The following DIAPH3 variants were observed in gnomAD, a reference collection of about 807,000 sequenced individuals.
DIAPH3 encodes the protein protein diaphanous homolog 3.
DIAPH3 carries 117 observed loss-of-function variants against 144.3 expected under a neutral mutation model. That is an observed-to-expected ratio of 0.81 (90% CI 0.70 to 0.95). The LOEUF (loss-of-function observed/expected upper bound fraction) is 0.95. Among genes scored for constraint, DIAPH3 ranks in the 40% least tolerant of loss-of-function variants. The probability of loss-of-function intolerance (pLI) is 0.00; values close to 1 mark genes in which losing one functional copy is unlikely to be tolerated. For synonymous variants in DIAPH3, 519 were observed against 488.9 expected (o/e 1.06, Z -0.81); for missense variants, 1,421 against 1,412.7 (o/e 1.01, Z -0.09).
chr13:60,093,936 G>T (rs1030260429), intron 3 of DIAPH3, among the ~76,000 whole-genome samples: 2 of 152,072 alleles, frequency 1.3e-5, no homozygotes, highest in African/African-American at 4.8e-5. Flanking sequence ...ATTTTAACAG[G>T]TAAAACACTT....
rs1403285361 is a variant in DIAPH3 at position 60,112,139 on chromosome 13, T to TC, written c.260dup (p.Pro88ThrfsTer14). 2 of 1,614,046 alleles carry TC rather than the reference T, an allele frequency of 1.2e-6. No homozygotes were observed. Among genetic ancestry groups the TC allele is most frequent in the Non-Finnish European group, 1.7e-6 (2 of 1,180,008 alleles). ...CAGTCTTCAGGTTGGGAAGTGGAGG[T>TC]CTCTCTTTCTTGCTCCCTGGAATTC... On this transcript the variant is annotated frameshift_variant, in exon 3 of 28. Coordinates refer to ENST00000400324, the MANE Select transcript of DIAPH3 (RefSeq NM_001042517.2). LOFTEE classifies it high-confidence loss of function.
chr13:60,019,882 T>A lies in DIAPH3; in HGVS notation c.627-3737A>T, dbSNP rs181233918. ...AAAAGGAACAAAGCGCTCTCAAGTA[T>A]TTTTCCCAAAGACTGATCTCCTACT... On this transcript the variant is annotated intron_variant, in intron 5 of 27. Coordinates refer to ENST00000400324, the MANE Select transcript of DIAPH3 (RefSeq NM_001042517.2). 3.3e-3 allele frequency among the ~76,000 whole-genome samples: 501 copies of A among 152,298 alleles called. 2 individuals carry two copies. Among genetic ancestry groups the A allele is most frequent in the African/African-American group, 0.011 (462 of 41,560 alleles).
intron 20 of DIAPH3, among the ~76,000 whole-genome samples, chr13:59,892,486 G>A (rs965057671): frequency 6.6e-6 from 1 of 151,906 alleles, no homozygotes; most frequent in Non-Finnish European, 1.5e-5. Context: ...AGTGATTTCA[G>A]ATAGAAGTCT....
chr13:60,106,554 T>A (rs938907275), intron 3 of DIAPH3, among the ~76,000 whole-genome samples: 82 of 152,124 alleles, frequency 5.4e-4, no homozygotes, highest in African/African-American at 1.9e-3. Flanking sequence ...GTACTTCAGC[T>A]CCCCTTTCCC....
At chr13:59,727,564 G>A (rs994119145) in intron 27 of DIAPH3, among the ~76,000 whole-genome samples, 4 of 152,062 alleles carry the variant, frequency 2.6e-5, no homozygotes, top group Admixed American at 6.6e-5. Context: ...CTATGTGTGC[G>A]GTATGTGTAT....
At chr13:60,051,719 T>G (rs899631081) in intron 4 of DIAPH3, among the ~76,000 whole-genome samples, 1 of 152,108 alleles carries the variant, frequency 6.6e-6, no homozygotes, top group East Asian at 1.9e-4. Context: ...GGAAAGTTTA[T>G]CACTGTAAAA....
chr13:59,807,206 G>C (rs1593500699), intron 25 of DIAPH3, among the ~76,000 whole-genome samples: 1 of 12,014 alleles, frequency 8.3e-5, no homozygotes, highest in Admixed American at 1.6e-3. Flanking sequence ...GATTTTAAAG[G>C]AAAACTAAGG....
chr13:59,883,306 AT>A (rs555721291), intron 20 of DIAPH3, among the ~76,000 whole-genome samples: 31 of 152,280 alleles, frequency 2.0e-4, no homozygotes, highest in Admixed American at 1.8e-3. Context: ...GAAAAAAATC[AT>A]TTTTTACATC....
intron 4 of DIAPH3, among the ~76,000 whole-genome samples, chr13:60,076,373 CT>C (rs2057382177): frequency 6.6e-6 from 1 of 152,096 alleles, no homozygotes; most frequent in Admixed American, 6.5e-5. Context: ...TACTGTGAAC[CT>C]TATCTTGTAT....
intron 26 of DIAPH3, 114 bp downstream of exon 26, chr13:59,774,614 T>C (rs1288943085): frequency 7.1e-6 from 7 of 986,052 alleles, no homozygotes; most frequent in Non-Finnish European, 8.0e-6. Flanking sequence ...TTCTGAACAG[T>C]TGTTGCCCAC....
intron 20 of DIAPH3, among the ~76,000 whole-genome samples, chr13:59,895,466 T>C (rs2046039672): frequency 6.6e-6 from 1 of 150,424 alleles, no homozygotes. Flanking sequence ...ACATTTATCT[T>C]GTGAAAAGAG....
chr13:60,141,502 T>A (rs1016540470), intron 1 of DIAPH3, among the ~76,000 whole-genome samples: 2 of 152,236 alleles, frequency 1.3e-5, no homozygotes, highest in Admixed American at 1.3e-4. Context: ...TCATATATGC[T>A]TAAATGCATG....
rs2053610828 is a variant in DIAPH3 at position 60,015,913 on chromosome 13, C to T, written c.771G>A (p.Gln257=). 2 of 1,609,190 alleles carry T rather than the reference C, an allele frequency of 1.2e-6. No homozygotes were observed. The highest frequency in any genetic ancestry group is 1.3e-5 in the African/African-American group (1 of 74,888). Residue 257 remains glutamine, a splice_region_variant and synonymous_variant, in exon 7 of 28, where the codon CAG becomes CAA. Transcript: ENST00000400324. ...IQCLKALMNT[Q]YGLERIMSEE... is the part of the protein sequence containing the mutation. ...AAATACTAATTACGTATGTACATAC[C>T]TGCGTATTCATCAGGGCTTTTAGAC...
At chr13:60,084,584 C>T (rs745754180) in intron 4 of DIAPH3, among the ~76,000 whole-genome samples, 9 of 151,700 alleles carry the variant, frequency 5.9e-5, no homozygotes, top group Non-Finnish European at 1.0e-4. Context: ...CAAAGTAGCA[C>T]AAAGCAGTTT....
At chr13:60,085,022 A>T (rs1156867452) in intron 4 of DIAPH3, among the ~76,000 whole-genome samples, 1 of 152,126 alleles carries the variant, frequency 6.6e-6, no homozygotes, top group East Asian at 1.9e-4. Context: ...ATATCTCTTA[A>T]GTACAAAAGA....
intron 3 of DIAPH3, among the ~76,000 whole-genome samples, chr13:60,096,569 T>C (rs1020366784): frequency 2.0e-5 from 3 of 152,156 alleles, no homozygotes; most frequent in African/African-American, 4.8e-5. Flanking sequence ...TCAGAAGAGA[T>C]TGGCACTTGA....
At chr13:59,699,164 C>T (rs7336489) in intron 27 of DIAPH3, among the ~76,000 whole-genome samples, 24,638 of 152,134 alleles carry the variant, frequency 0.16, 2,165 homozygotes, top group East Asian at 0.28. Context: ...GTGGTCAGTA[C>T]ATTGGAGAAA....
At chr13:59,826,718 C>T (rs1399948357) in intron 24 of DIAPH3, among the ~76,000 whole-genome samples, 13 of 151,322 alleles carry the variant, frequency 8.6e-5, no homozygotes, top group East Asian at 7.8e-4. Flanking sequence ...GAGCCCGCAT[C>T]GCCAAGTCAA....
chr13:59,729,052 T>C (rs2035744640), intron 27 of DIAPH3, among the ~76,000 whole-genome samples: 2 of 152,144 alleles, frequency 1.3e-5, no homozygotes, highest in African/African-American at 2.4e-5. Flanking sequence ...CACAAGAATG[T>C]TTCTGGTGAA....
Sources: gnomAD v4.1 joint callset for allele counts (sites outside exome capture counted in the v4.1 genomes callset) on GRCh38, gnomAD v4.1.1 for gene constraint, MANE v1.5 for transcripts, NCBI Gene and HGNC (gene_info 2026-07-23, HGNC 2026-07-21) for gene names.